The following GABRB1 variants were observed in gnomAD, a reference collection of about 807,000 sequenced individuals.
The protein encoded by GABRB1 is gamma-aminobutyric acid type A receptor subunit beta1.
In GABRB1, 17 loss-of-function variants were observed where a neutral mutation model predicts 51.6. The ratio of observed to expected loss-of-function variants is 0.33; its 90% confidence interval spans 0.23 to 0.49. GABRB1 has a LOEUF of 0.49. GABRB1 is among the 20% of genes least tolerant of loss of function. The pLI is 0.99. For missense variants in GABRB1, 410 were observed against 600.6 expected (o/e 0.68, Z 3.32); for synonymous variants, 247 against 218.9 (o/e 1.13, Z -1.14).
intron 8 of GABRB1, among the ~76,000 whole-genome samples, chr4:47,415,601 A>G (rs1245232055): frequency 6.6e-6 from 1 of 152,190 alleles, no homozygotes; most frequent in Non-Finnish European, 1.5e-5. Flanking sequence ...CCTGGAACCT[A>G]GAAGATGCAA....
At chr4:47,042,654 C>A (rs888648495) in intron 3 of GABRB1, among the ~76,000 whole-genome samples, 12 of 150,676 alleles carry the variant, frequency 8.0e-5, no homozygotes, top group Admixed American at 3.3e-4. Flanking sequence ...GAAGAAAAAT[C>A]AAAAATAAAA....
intron 4 of GABRB1, among the ~76,000 whole-genome samples, chr4:47,294,590 C>T (rs1192005572): frequency 6.6e-6 from 1 of 152,232 alleles, no homozygotes; most frequent in African/African-American, 2.4e-5. Context: ...CTTAGGTAAA[C>T]AAAGCAGCCG....
upstream of GABRB1, among the ~76,000 whole-genome samples, chr4:47,030,455 G>A (rs981335039): frequency 2.0e-5 from 3 of 152,052 alleles, no homozygotes; most frequent in African/African-American, 4.8e-5. Context: ...ACTATAATAG[G>A]AGTAGGGATT....
chr4:47,321,966 A>G (rs1725100177), intron 5 of GABRB1, among the ~76,000 whole-genome samples: 1 of 152,238 alleles, frequency 6.6e-6, no homozygotes, highest in Non-Finnish European at 1.5e-5. Flanking sequence ...TATTTTATTT[A>G]TGATGGATAC....
At chr4:47,351,666 T>A (rs1726342799) in intron 5 of GABRB1, among the ~76,000 whole-genome samples, 1 of 150,018 alleles carries the variant, frequency 6.7e-6, no homozygotes, top group South Asian at 2.1e-4. Context: ...GGTGTTTGGT[T>A]TTTTGTCCTT....
At chr4:47,313,271 T>C (rs2109955363) in intron 4 of GABRB1, among the ~76,000 whole-genome samples, 1 of 152,322 alleles carries the variant, frequency 6.6e-6, no homozygotes, top group Admixed American at 6.5e-5. Flanking sequence ...TAGCTGGTTT[T>C]ACCATCCTAT....
intron 3 of GABRB1, among the ~76,000 whole-genome samples, chr4:47,103,352 C>A (rs1021053594): frequency 2.0e-5 from 3 of 152,058 alleles, no homozygotes; most frequent in East Asian, 3.9e-4. Context: ...GGCTGAAAAT[C>A]TTTTCCCAAT....
chr4:47,381,116 C>T (rs955337815), intron 5 of GABRB1, among the ~76,000 whole-genome samples: 2 of 152,140 alleles, frequency 1.3e-5, no homozygotes, highest in South Asian at 4.1e-4. Flanking sequence ...CCCCGTTGTG[C>T]CACACCTACC....
intron 3 of GABRB1, among the ~76,000 whole-genome samples, chr4:47,040,886 A>G (rs1234470011): frequency 4.6e-5 from 7 of 152,194 alleles, no homozygotes. Flanking sequence ...GACAGTATTT[A>G]GAGCATACTT....
At chr4:47,162,962 T>C (rs1718026694) in intron 4 of GABRB1, among the ~76,000 whole-genome samples, 1 of 152,082 alleles carries the variant, frequency 6.6e-6, no homozygotes, top group Admixed American at 6.6e-5. Flanking sequence ...AGCTTCCCTT[T>C]CTCTTCCTCT....
chr4:47,081,565 T>C (rs537073774), intron 3 of GABRB1, among the ~76,000 whole-genome samples: 2 of 152,304 alleles, frequency 1.3e-5, no homozygotes, highest in South Asian at 4.1e-4. Context: ...AATTTTTGCA[T>C]TCAAGGATCA....
intron 5 of GABRB1, among the ~76,000 whole-genome samples, chr4:47,331,677 A>G (rs189015699): frequency 6.6e-6 from 1 of 152,248 alleles, no homozygotes; most frequent in East Asian, 1.9e-4. Flanking sequence ...AGGAACTTTG[A>G]TCTTCTAATA....
chr4:47,055,572 G>A (rs895633032), intron 3 of GABRB1, among the ~76,000 whole-genome samples: 1 of 152,180 alleles, frequency 6.6e-6, no homozygotes, highest in Non-Finnish European at 1.5e-5. Flanking sequence ...AAGTTAAACA[G>A]ATCCCACCAT....
chr4:47,393,748 G>T (rs555061464), intron 5 of GABRB1, among the ~76,000 whole-genome samples: 1 of 152,110 alleles, frequency 6.6e-6, no homozygotes, highest in Admixed American at 6.5e-5. Context: ...TACCCATCTG[G>T]CCAAATCCTC....
chr4:47,258,006 C>T (rs1220016197), intron 4 of GABRB1, among the ~76,000 whole-genome samples: 1 of 152,034 alleles, frequency 6.6e-6, no homozygotes, highest in Non-Finnish European at 1.5e-5. Context: ...AACTAACAAA[C>T]TTGTACATGA....
intron 3 of GABRB1, among the ~76,000 whole-genome samples, chr4:47,089,134 G>A (rs1728192709): frequency 6.6e-6 from 1 of 152,300 alleles, no homozygotes; most frequent in African/African-American, 2.4e-5. Context: ...AGATGAAGAG[G>A]AGATAGGGGA....
chr4:47,211,757 C>T (rs937711216), intron 4 of GABRB1, among the ~76,000 whole-genome samples: 14 of 152,146 alleles, frequency 9.2e-5, no homozygotes, highest in African/African-American at 3.4e-4. Context: ...CTTCTGGAAG[C>T]TCTAGTGGGA....
At chr4:47,352,541 A>G (rs1188531435) in intron 5 of GABRB1, among the ~76,000 whole-genome samples, 1 of 152,240 alleles carries the variant, frequency 6.6e-6, no homozygotes, top group Non-Finnish European at 1.5e-5. Flanking sequence ...AACCGAATCC[A>G]GCAGCACATC....
chr4:47,353,417 C>G (rs538260166), intron 5 of GABRB1, among the ~76,000 whole-genome samples: 1 of 152,206 alleles, frequency 6.6e-6, no homozygotes, highest in Admixed American at 6.5e-5. Context: ...TTATTGCTAA[C>G]TTATTGTTAA....
Sources: gnomAD v4.1 joint callset for allele counts (sites outside exome capture counted in the v4.1 genomes callset) on GRCh38, gnomAD v4.1.1 for gene constraint, MANE v1.5 for transcripts, NCBI Gene and HGNC (gene_info 2026-07-23, HGNC 2026-07-21) for gene names.